TTC28: variants seen among roughly 807,000 people sequenced by gnomAD.
The protein encoded by TTC28 is tetratricopeptide repeat protein 28.
Under a neutral mutation model 198.0 loss-of-function variants are expected in TTC28, and 61 were observed. That is an observed-to-expected ratio of 0.31 (90% CI 0.25 to 0.38). The LOEUF is 0.38. TTC28 is among the 10% of genes least tolerant of loss of function. The pLI is 1.00. For missense variants in TTC28, 2,678 were observed against 3,164.0 expected, an observed-to-expected ratio of 0.85 and a Z score of 3.69; for synonymous variants, 1,171 against 1,297.8, an observed-to-expected ratio of 0.90 and a Z score of 2.10.
At chr22:28,388,521 T>G (rs890583375) in intron 2 of TTC28, among the ~76,000 whole-genome samples, 2 of 152,206 alleles carry the variant, frequency 1.3e-5, no homozygotes, top group African/African-American at 4.8e-5. Context: ...TTTATTTCCT[T>G]GAGCAGTGGT....
intron 5 of TTC28, among the ~76,000 whole-genome samples, chr22:28,289,894 C>T (rs775562895): frequency 1.6e-4 from 25 of 151,664 alleles, no homozygotes; most frequent in Non-Finnish European, 2.8e-4. Context: ...CGTGGTGGTG[C>T]GCACCTGTAA....
rs2046812448 is a variant in TTC28 at position 28,396,192 on chromosome 22, A to G, written c.382-89549T>C. The stretch of plus-strand genomic sequence containing the variant: ...ATTTCTAAAGAGTGACACATCAAAG[A>G]ATGAAGTATGTGTGTAATTTGGTGA... On this transcript the variant is annotated intron_variant, in intron 2 of 22. Transcript: ENST00000397906. 2.6e-5 allele frequency among the ~76,000 whole-genome samples: 4 copies of G among 152,222 alleles called. No individual in the cohort carries two copies. The South Asian group carries it at 8.3e-4, about 31-fold the overall frequency.
chr22:28,611,308 CCA>C (rs1280135194), intron 2 of TTC28, among the ~76,000 whole-genome samples: 1 of 152,024 alleles, frequency 6.6e-6, no homozygotes, highest in East Asian at 1.9e-4. Flanking sequence ...TTAAGGGCAG[CCA>C]GAGAGAAAGG....
At chr22:28,221,068 C>T (rs927479453) in intron 5 of TTC28, among the ~76,000 whole-genome samples, 2 of 152,078 alleles carry the variant, frequency 1.3e-5, no homozygotes, top group Non-Finnish European at 2.9e-5. Flanking sequence ...GGACTCACAA[C>T]GAGCAGGTGA....
chr22:27,979,551 T>C lies in TTC28; in HGVS notation c.*2670A>G, dbSNP rs752948674. ...GCCAAAGGCAAAATCAAAAATATGA[T>C]GTAATTACTTATATAACCCTTTAAA... On this transcript the variant is annotated 3_prime_UTR_variant, in exon 23 of 23. Transcript: ENST00000397906. 1.3e-5 allele frequency: 2 copies of C among 151,646 alleles called. No homozygotes were observed. The highest frequency in any genetic ancestry group is 2.9e-5 in the Non-Finnish European group (2 of 68,002). The allele number at this position is 151,646 out of a possible 1,614,324, so 9.4% of individuals were successfully genotyped here. A position where few individuals can be genotyped will look rare whatever the true frequency, so the allele number is the denominator to read the frequency against.
At chr22:28,282,954 T>C (rs2044613133) in intron 5 of TTC28, among the ~76,000 whole-genome samples, 1 of 152,178 alleles carries the variant, frequency 6.6e-6, no homozygotes, top group African/African-American at 2.4e-5. Flanking sequence ...GAGGTGGTAA[T>C]TATTTTATCA....
chr22:28,254,730 A>G lies in TTC28; in HGVS notation c.933+41468T>C, dbSNP rs1003209939. Among the ~76,000 whole-genome samples the G allele has an allele frequency of 1.1e-4, 16 of 152,222 alleles. No homozygotes were observed. The East Asian group carries it at 2.7e-3, about 26-fold the overall frequency. ...GAAACAAAGAGGGAACTCAATACCA[A>G]AGCGTCAAGTATGAGACCCAAAAGA... On this transcript the variant is annotated intron_variant, in intron 5 of 22. Transcript: ENST00000397906.
In TTC28 at chr22:28,442,724, C is replaced by T. The variant is rs117087233; in HGVS notation, c.382-136081G>A. On this transcript the variant is annotated intron_variant, in intron 2 of 22. Transcript: ENST00000397906. ...TGGATGCAGACCAGATTTGGTAACTCGTCCCTAAGGGACTGATGCAAGTCC... is the reference window on the plus strand; with the variant it reads ...TGGATGCAGACCAGATTTGGTAACTTGTCCCTAAGGGACTGATGCAAGTCC... Among the ~76,000 whole-genome samples the T allele has an allele frequency of 2.6e-3, 400 of 152,316 alleles. 6 individuals carry two copies. The East Asian group carries it at 0.039, about 15-fold the overall frequency.
chr22:28,361,838 C>A (rs1362913638), intron 2 of TTC28, among the ~76,000 whole-genome samples: 1 of 152,092 alleles, frequency 6.6e-6, no homozygotes, highest in Admixed American at 6.6e-5. Flanking sequence ...AATCCTAGGG[C>A]CTTTAAGAAT....
In TTC28 at chr22:28,231,799, T is replaced by C. The variant is rs1478411751; in HGVS notation, c.933+64399A>G. ...ATTTGTCCATCTAAACATACACTTA[T>C]TCCAGCTTTGATAACAGCAAGAAAA... On this transcript the variant is annotated intron_variant, in intron 5 of 22. Coordinates refer to ENST00000397906, the MANE Select transcript of TTC28 (RefSeq NM_001145418.2). Among the ~76,000 whole-genome samples the C allele has an allele frequency of 7.2e-5, 11 of 152,354 alleles. No individual in the cohort carries two copies. The East Asian group carries it at 2.1e-3, about 29-fold the overall frequency.
intron 2 of TTC28, among the ~76,000 whole-genome samples, chr22:28,524,414 C>T (rs896503753): frequency 1.3e-5 from 2 of 149,402 alleles, no homozygotes; most frequent in South Asian, 2.1e-4. Flanking sequence ...GAGCCGAGAT[C>T]GCGCCACTGC....
Position 27,998,568 on chromosome 22 carries a change from C to T in TTC28, c.5091G>A (p.Lys1697=). 1 of 1,550,636 alleles carries T rather than the reference C, an allele frequency of 6.4e-7. No individual in the cohort carries two copies. The highest frequency in any genetic ancestry group is 8.7e-7 in the Non-Finnish European group (1 of 1,146,944). The change falls in exon 16 of 23, where the codon AAG becomes AAA. Residue 1697 remains lysine, a synonymous_variant. Transcript: ENST00000397906. ...CCCAGTTGGAGGGGTGCGAGAAGGC[C>T]TTGCTGCTCTGCACCACCTTCATGG... ...GEAMKVVQSS[K]AFSHPSNWAG...
chr22:28,120,014 A>T (rs908685745), intron 6 of TTC28, among the ~76,000 whole-genome samples: 1 of 152,206 alleles, frequency 6.6e-6, no homozygotes, highest in African/African-American at 2.4e-5. Context: ...AAAACACCCA[A>T]GTATGGGCTT....
At chr22:28,605,933 G>A (rs1174064969) in intron 2 of TTC28, among the ~76,000 whole-genome samples, 1 of 152,106 alleles carries the variant, frequency 6.6e-6, no homozygotes, top group African/African-American at 2.4e-5. Context: ...AATTCAAAAT[G>A]CTAAAATAGA....
intron 5 of TTC28, among the ~76,000 whole-genome samples, chr22:28,200,260 C>T (rs1925809111): frequency 6.6e-6 from 1 of 151,880 alleles, no homozygotes; most frequent in Admixed American, 6.6e-5. Flanking sequence ...TGGCAGTAAA[C>T]TTTTATCATT....
chr22:28,663,235 G>A (rs1166562841), intron 1 of TTC28, among the ~76,000 whole-genome samples: 6 of 141,812 alleles, frequency 4.2e-5, no homozygotes, highest in Admixed American at 1.5e-4. Context: ...GAGACAGAGC[G>A]AAACTCCGTC....
intron 2 of TTC28, among the ~76,000 whole-genome samples, chr22:28,426,777 T>C (rs1232056209): frequency 2.0e-5 from 3 of 152,132 alleles, no homozygotes; most frequent in Non-Finnish European, 4.4e-5. Context: ...TGTTTCCCCA[T>C]TAGAGGTCCA....
chr22:28,102,170 A>C lies in TTC28; in HGVS notation c.3308-890T>G, dbSNP rs186457733. 1.9e-3 allele frequency among the ~76,000 whole-genome samples: 296 copies of C among 152,358 alleles called. 1 individual carries two copies. Among genetic ancestry groups the C allele is most frequent in the Non-Finnish European group, 3.4e-3 (231 of 68,040 alleles). On this transcript the variant is annotated intron_variant, in intron 8 of 22. Coordinates refer to ENST00000397906, the MANE Select transcript of TTC28 (RefSeq NM_001145418.2). Reference sequence around the variant, plus strand: ...TTCCTTTCTCACGTGCACAGCATCCAATGAGTGTTAATAGAAGATACATAC... The same window carrying C: ...TTCCTTTCTCACGTGCACAGCATCCCATGAGTGTTAATAGAAGATACATAC...
rs1329862349 is a variant in TTC28, at chr22:27,998,609, C to T, written c.5050G>A (p.Ala1684Thr). Residue 1684 changes from alanine to threonine, a missense_variant, in exon 16 of 23, where the codon GCC (alanine) becomes ACC (threonine). This residue lies in a region of TTC28 where 314 missense variants were observed against 442.7 expected (regional missense o/e 0.71). Transcript: ENST00000397906. ...ACCTTCATGGCCTCCCCCAGGGCGG[C>T]GCTGGCTTTCAGGCCGTTCAGCAGG... ...SSLLNGLKASAALGEAMKVVQ... is the reference protein window; with the variant it reads ...SSLLNGLKASTALGEAMKVVQ... The T allele has an allele frequency of 9.0e-6, 14 of 1,550,808 alleles. No individual in the cohort carries two copies. The highest frequency in any genetic ancestry group is 3.6e-5 in the South Asian group (3 of 84,068).
Sources: gnomAD v4.1 joint callset for allele counts (sites outside exome capture counted in the v4.1 genomes callset) on GRCh38, gnomAD v4.1.1 for gene constraint, gnomAD v4.1.1 regional missense constraint, MANE v1.5 for transcripts, NCBI Gene and HGNC (gene_info 2026-07-23, HGNC 2026-07-21) for gene names.